The following SLC3A1 variants were observed in gnomAD, a reference collection of about 807,000 sequenced individuals.
SLC3A1 encodes the protein solute carrier family 3 member 1.
SLC3A1 carries 78 observed loss-of-function variants against 60.3 expected under a neutral mutation model. That is an observed-to-expected ratio of 1.29 (90% CI 1.08 to 1.56). The LOEUF (loss-of-function observed/expected upper bound fraction) is 1.56. Among genes scored for constraint, SLC3A1 ranks in the 40% most tolerant of loss-of-function variants. The pLI, the probability that SLC3A1 is intolerant of heterozygous loss-of-function variation, is 0.00. For missense variants in SLC3A1, 1,172 were observed against 858.9 expected (o/e 1.36, Z -4.56); for synonymous variants, 392 against 307.9 (o/e 1.27, Z -2.86).
rs886056070 is a variant in SLC3A1 at position 44,312,748 on chromosome 2, G to T, written c.1495G>T (p.Asp499Tyr). The change falls in exon 8 of 10, where the codon GAT becomes TAT. Residue 499 changes from aspartate (D) to tyrosine (Y), a missense_variant. Transcript: ENST00000260649. ...IVAANLNESYDINTLRSKSPM... is the reference protein window; with the variant it reads ...IVAANLNESYYINTLRSKSPM... ...AGCCGCAAATCTCAATGAAAGCTAT[G>T]ATATTGTAAGTTGAATACAACTTGA... 1.9e-6 allele frequency: 3 copies of T among 1,607,812 alleles called. No individual in the cohort carries two copies. The highest frequency in any genetic ancestry group is 2.5e-6 in the Non-Finnish European group (3 of 1,178,672).
chr2:44,302,616 G>A (rs1034442355), intron 6 of SLC3A1, among the ~76,000 whole-genome samples: 5 of 152,208 alleles, frequency 3.3e-5, no homozygotes, highest in Non-Finnish European at 7.3e-5. Context: ...GCTAAAGCCA[G>A]CATTGATCGG....
intron 9 of SLC3A1, 171 bp downstream of exon 9, chr2:44,314,122 G>C: frequency 1.4e-6 from 2 of 1,474,484 alleles, no homozygotes; most frequent in Non-Finnish European, 1.8e-6. Context: ...ATGCCTTTGT[G>C]AAAATACAAA....
In SLC3A1 at chr2:44,321,440, T is replaced by A. The variant is rs764107553; in HGVS notation, c.*801T>A. ...CCTCGTACAGGAATTTAATTTGGGC[T>A]GTAATCTAAAAGAAACACATTAAAA... On this transcript the variant is annotated 3_prime_UTR_variant, in exon 10 of 10. Coordinates refer to ENST00000260649, the MANE Select transcript of SLC3A1 (RefSeq NM_000341.4). The A allele has an allele frequency of 6.2e-7, 1 of 1,612,140 alleles. No homozygotes were observed. Among genetic ancestry groups the A allele is most frequent in the Non-Finnish European group, 8.5e-7 (1 of 1,178,578 alleles).
At chr2:44,321,608 G>C, downstream of SLC3A1, 3 of 1,480,506 alleles carry the variant, frequency 2.0e-6, no homozygotes, top group Admixed American at 7.9e-5. Context: ...CAACAATTAA[G>C]ATTAAATTAT....
Position 44,320,194 on chromosome 2 carries a change from A to G in SLC3A1, c.1618-5A>G, listed in dbSNP as rs772586246. 12 of 1,610,396 alleles carry G rather than the reference A, an allele frequency of 7.5e-6. No homozygotes were observed. The highest frequency in any genetic ancestry group is 1.0e-5 in the Non-Finnish European group (12 of 1,177,340). On this transcript the variant is annotated splice_region_variant and splice_polypyrimidine_tract_variant and intron_variant, in intron 9 of 9. Transcript: ENST00000260649. The stretch of plus-strand genomic sequence containing the variant: ...ACTTACGTAAATACTTTTTTAAAAA[A>G]ATAGGTCCAAAAGACTCAGCCCAGA...
At position 44,315,248 on chromosome 2, in the gene SLC3A1, T is replaced by C. The variant is rs555791941; in HGVS notation, c.1617+1297T>C. 2.7e-5 allele frequency: 4 copies of C among 150,902 alleles called. No homozygotes were observed. The East Asian group carries it at 8.1e-4, about 30-fold the overall frequency. 9.3% of individuals were successfully genotyped at this position (150,902 alleles called of 1,614,324 possible). A position where few individuals can be genotyped will look rare whatever the true frequency, so the allele number is the denominator to read the frequency against. ...GTGAGCCACTACGCCCAGCCAACAA[T>C]GACACTTTTTTCTAAGTCATAAATC... On this transcript the variant is annotated intron_variant, in intron 9 of 9. Coordinates refer to ENST00000260649, the MANE Select transcript of SLC3A1 (RefSeq NM_000341.4).
intron 3 of SLC3A1, among the ~76,000 whole-genome samples, chr2:44,282,668 C>G (rs549864653): frequency 6.6e-6 from 1 of 152,208 alleles, no homozygotes; most frequent in South Asian, 2.1e-4. Context: ...GGGTCTTGCT[C>G]TTTCTCCCAG....
At chr2:44,290,793 G>A (rs1671725445) in intron 4 of SLC3A1, among the ~76,000 whole-genome samples, 1 of 150,664 alleles carries the variant, frequency 6.6e-6, no homozygotes, top group Admixed American at 6.6e-5. Flanking sequence ...CCTCCATGGG[G>A]TTGTGGGGTT....
chr2:44,317,372 G>A (rs187753388), intron 9 of SLC3A1, among the ~76,000 whole-genome samples: 31 of 151,762 alleles, frequency 2.0e-4, no homozygotes, highest in South Asian at 1.3e-3. Flanking sequence ...TGAGGTGGGA[G>A]GATCACTTGA....
intron 1 of SLC3A1, among the ~76,000 whole-genome samples, chr2:44,279,843 A>G (rs1419108192): frequency 2.6e-5 from 4 of 151,862 alleles, no homozygotes; most frequent in Non-Finnish European, 5.9e-5. Context: ...GATTACAGGC[A>G]CGTGCCACCA....
chr2:44,320,163 TCAAA>T (rs1672802254), intron 9 of SLC3A1, 32 bp from the exon 10 acceptor site: 3 of 1,517,510 alleles, frequency 2.0e-6, no homozygotes, highest in Admixed American at 3.4e-5. Flanking sequence ...ATTCTTAGAA[TCAAA>T]CACTTACGTA....
Position 44,290,310 on chromosome 2 carries a change from C to T in SLC3A1, c.891+4153C>T, listed in dbSNP as rs902244151. ...CTATATGTCTGTCCTTATGTCAGTACCACACACTGTCTGAATTACTAGCGC... is the reference window on the plus strand; with the variant it reads ...CTATATGTCTGTCCTTATGTCAGTATCACACACTGTCTGAATTACTAGCGC... On this transcript the variant is annotated intron_variant, in intron 4 of 9. Coordinates refer to ENST00000260649, the MANE Select transcript of SLC3A1 (RefSeq NM_000341.4). 2.0e-5 allele frequency among the ~76,000 whole-genome samples: 3 copies of T among 152,170 alleles called. No individual in the cohort carries two copies. The East Asian group carries it at 5.8e-4, about 29-fold the overall frequency.
chr2:44,288,989 C>T (rs1455095264), intron 4 of SLC3A1, among the ~76,000 whole-genome samples: 1 of 152,006 alleles, frequency 6.6e-6, no homozygotes, highest in African/African-American at 2.4e-5. Flanking sequence ...CACGTGCCAC[C>T]ATGCCCAACT....
chr2:44,301,227 T>C (rs1671998587), intron 6 of SLC3A1, 100 bp downstream of exon 6: 2 of 1,433,932 alleles, frequency 1.4e-6, no homozygotes, highest in African/African-American at 1.4e-5. Context: ...AGTAATAATG[T>C]AACAAGCCTG....
intron 1 of SLC3A1, among the ~76,000 whole-genome samples, chr2:44,280,290 G>A (rs1671466054): frequency 6.6e-6 from 1 of 151,984 alleles, no homozygotes; most frequent in Non-Finnish European, 1.5e-5. Flanking sequence ...CCAGGCTAGA[G>A]TACAGTGGTG....
intron 7 of SLC3A1, among the ~76,000 whole-genome samples, chr2:44,311,386 T>A (rs1240220957): frequency 2.6e-5 from 4 of 152,230 alleles, no homozygotes; most frequent in African/African-American, 9.6e-5. Flanking sequence ...TCCTAAGCAA[T>A]ATTTGCTATT....
At chr2:44,300,626 G>A (rs536883272) in intron 5 of SLC3A1, among the ~76,000 whole-genome samples, 16 of 152,242 alleles carry the variant, frequency 1.1e-4, no homozygotes, top group Admixed American at 1.0e-3. Context: ...AGTGCATGAT[G>A]TTAATAGTTT....
Position 44,300,041 on chromosome 2 carries a change from A to C in SLC3A1, c.962A>C (p.Glu321Ala). The part of the protein sequence containing the change: ...FSLDAVKFLL[E>A]AKHLRDEIQV... ...TTGGATGCTGTTAAATTCCTCCTAG[A>C]AGCAAAGCACCTGAGAGATGAGATC... Residue 321 changes from glutamate to alanine, a missense_variant, in exon 5 of 10, where the codon GAA becomes GCA. By Grantham distance (107) the Glu-to-Ala change is moderately radical. Transcript: ENST00000260649. 3 of 1,613,834 alleles carry C rather than the reference A, an allele frequency of 1.9e-6. No homozygotes were observed. The highest frequency in any genetic ancestry group is 2.5e-6 in the Non-Finnish European group (3 of 1,179,710).
intron 3 of SLC3A1, chr2:44,285,446 A>C (rs1671591066): frequency 3.1e-6 from 1 of 319,834 alleles, no homozygotes; most frequent in Non-Finnish European, 6.2e-6. Flanking sequence ...CAGCCGGGAG[A>C]GTCATACCAT....
Sources: allele counts gnomAD v4.1 joint callset (sites outside exome capture counted in the v4.1 genomes callset), GRCh38; gene constraint gnomAD v4.1.1; transcripts MANE v1.5; gene names NCBI Gene and HGNC (gene_info 2026-07-23, HGNC 2026-07-21).